RYR2: variants seen among roughly 807,000 people sequenced by gnomAD.
RYR2 encodes ryanodine receptor 2.
A neutral mutation model predicts 601.1 loss-of-function variants in RYR2; 227 were observed. The observed-to-expected ratio is 0.38, with a 90% CI of 0.34 to 0.42. RYR2 has a LOEUF of 0.42. RYR2 is among the 10% of genes least tolerant of loss of function. The probability of loss-of-function intolerance (pLI) is 1.00; values close to 1 mark genes in which losing one functional copy is unlikely to be tolerated. For missense variants in RYR2, 4,646 were observed against 6,156.5 expected, an observed-to-expected ratio of 0.75 and a Z score of 8.21; for synonymous variants, 2,223 against 2,175.1, an observed-to-expected ratio of 1.02 and a Z score of -0.61.
intron 23 of RYR2, 83 bp downstream of exon 23, chr1:237,506,897 G>C: frequency 2.7e-6 from 3 of 1,111,820 alleles, no homozygotes; most frequent in Non-Finnish European, 2.7e-6. Context: ...TCCCGCTATG[G>C]GGTGACATCA....
intron 1 of RYR2, among the ~76,000 whole-genome samples, chr1:237,239,312 C>A (rs1685908974): frequency 6.6e-6 from 1 of 152,030 alleles, no homozygotes; most frequent in Non-Finnish European, 1.5e-5. Flanking sequence ...TAACAGGCAA[C>A]AGAAAGTGAA....
chr1:237,257,383 G>A (rs893522610), intron 1 of RYR2, among the ~76,000 whole-genome samples: 5 of 152,076 alleles, frequency 3.3e-5, no homozygotes, highest in African/African-American at 1.2e-4. Context: ...CTATATGATA[G>A]GTATAAGTTG....
At chr1:237,570,320 A>C (rs771645657) in intron 29 of RYR2, among the ~76,000 whole-genome samples, 1 of 148,774 alleles carries the variant, frequency 6.7e-6, no homozygotes, top group Non-Finnish European at 1.5e-5. Context: ...AGGGCTGTTT[A>C]TATTTAAGTT....
chr1:237,769,685 T>C (rs1318627801), intron 84 of RYR2, among the ~76,000 whole-genome samples: 1 of 152,140 alleles, frequency 6.6e-6, no homozygotes, highest in Non-Finnish European at 1.5e-5. Context: ...CATACGATCA[T>C]TGCCTCATTT....
chr1:237,189,181 G>T (rs1250458086), intron 1 of RYR2, among the ~76,000 whole-genome samples: 1 of 152,164 alleles, frequency 6.6e-6, no homozygotes, highest in East Asian at 1.9e-4. Context: ...CCCTTAGCAT[G>T]ATATTCCTGA....
chr1:237,255,328 A>G (rs1159432178), intron 1 of RYR2, among the ~76,000 whole-genome samples: 1 of 152,230 alleles, frequency 6.6e-6, no homozygotes, highest in African/African-American at 2.4e-5. Context: ...CTCATATGCC[A>G]ACTTTCTTAT....
chr1:237,217,799 TA>T (rs1317503387), intron 1 of RYR2, among the ~76,000 whole-genome samples: 4 of 152,168 alleles, frequency 2.6e-5, no homozygotes, highest in African/African-American at 9.7e-5. Flanking sequence ...GCACCCTGAG[TA>T]TGCCCCAAGA....
rs896872038 is a variant in RYR2 at position 237,608,808 on chromosome 1, T to TG, written c.4684-1954_4684-1953insG. On this transcript the variant is annotated intron_variant, in intron 35 of 104. Transcript: ENST00000366574. ...TTCAGACTGACCTGTTTTTTTTTTT[T>TG]TTTTTTTTTTTTACAAAATTGGACA... 2.1e-4 allele frequency among the ~76,000 whole-genome samples: 32 copies of TG among 151,026 alleles called. No individual in the cohort carries two copies. In the South Asian group the frequency reaches 4.4e-3, roughly 21 times the overall value.
intron 11 of RYR2, among the ~76,000 whole-genome samples, chr1:237,421,107 C>T (rs1252318191): frequency 6.6e-6 from 1 of 152,144 alleles, no homozygotes; most frequent in Non-Finnish European, 1.5e-5. Context: ...GGCGCGGTGG[C>T]TGGCGCCTAT....
intron 2 of RYR2, among the ~76,000 whole-genome samples, chr1:237,306,045 T>C (rs572306498): frequency 1.8e-4 from 28 of 152,324 alleles, no homozygotes; most frequent in African/African-American, 6.5e-4. Flanking sequence ...AAAAATTATG[T>C]CTTAACTACA....
chr1:237,083,180 C>T (rs1665941093), intron 1 of RYR2, among the ~76,000 whole-genome samples: 2 of 152,274 alleles, frequency 1.3e-5, no homozygotes, highest in South Asian at 4.1e-4. Flanking sequence ...GGAGAAAACC[C>T]TCTAAGTGTT....
intron 79 of RYR2, among the ~76,000 whole-genome samples, chr1:237,741,628 G>A (rs1006327610): frequency 1.3e-5 from 2 of 151,932 alleles, no homozygotes; most frequent in African/African-American, 4.8e-5. Flanking sequence ...TTGAGATGGA[G>A]GCTCATTCTG....
At chr1:237,260,246 A>G (rs1036001204) in intron 1 of RYR2, among the ~76,000 whole-genome samples, 1 of 152,188 alleles carries the variant, frequency 6.6e-6, no homozygotes, top group Admixed American at 6.5e-5. Flanking sequence ...ACTGCCTGTA[A>G]ATACGCACCC....
At chr1:237,413,975 A>G (rs989394354) in intron 10 of RYR2, among the ~76,000 whole-genome samples, 1 of 152,058 alleles carries the variant, frequency 6.6e-6, no homozygotes, top group Non-Finnish European at 1.5e-5. Context: ...CCCATGAATT[A>G]TTTAGAAGTT....
intron 1 of RYR2, among the ~76,000 whole-genome samples, chr1:237,139,946 G>A (rs948142068): frequency 6.6e-6 from 1 of 152,258 alleles, no homozygotes; most frequent in Admixed American, 6.5e-5. Context: ...TTAACACTCA[G>A]TGATGTGTAG....
At chr1:237,343,172 G>A in intron 3 of RYR2, among the ~76,000 whole-genome samples, 1 of 151,992 alleles carries the variant, frequency 6.6e-6, no homozygotes, top group East Asian at 1.9e-4. Flanking sequence ...GCGGTGAGCT[G>A]TGTTTGTGCC....
intron 25 of RYR2, among the ~76,000 whole-genome samples, chr1:237,532,254 A>G (rs1188570198): frequency 6.6e-6 from 1 of 152,162 alleles, no homozygotes. Flanking sequence ...ATCCAATTAC[A>G]TTATGTATTC....
chr1:237,413,456 C>T (rs945136616), intron 10 of RYR2, among the ~76,000 whole-genome samples: 7 of 152,130 alleles, frequency 4.6e-5, no homozygotes, highest in South Asian at 2.1e-4. Flanking sequence ...AAACCATTTG[C>T]GTGATAATTC....
At chr1:237,131,794 C>T (rs1041264646) in intron 1 of RYR2, among the ~76,000 whole-genome samples, 1 of 152,014 alleles carries the variant, frequency 6.6e-6, no homozygotes, top group Admixed American at 6.6e-5. Context: ...GATCATGGCT[C>T]ATTGCAGCTT....
Sources: allele counts gnomAD v4.1 joint callset (sites outside exome capture counted in the v4.1 genomes callset), GRCh38; gene constraint gnomAD v4.1.1; transcripts MANE v1.5; gene names NCBI Gene and HGNC (gene_info 2026-07-23, HGNC 2026-07-21).